ZNF875: variants seen among roughly 807,000 people sequenced by gnomAD.
The protein encoded by ZNF875 is HKR1, GLI-Kruppel zinc finger family member.
In ZNF875, 14 loss-of-function variants were observed where a neutral mutation model predicts 11.2. The ratio of observed to expected loss-of-function variants is 1.26; its 90% CI spans 0.83 to 1.96. ZNF875 has a LOEUF of 1.96. Ranked by LOEUF, ZNF875 falls within the 30% of genes most tolerant of loss-of-function variation. The pLI, the probability that ZNF875 is intolerant of heterozygous loss-of-function variation, is 0.00. For missense variants in ZNF875, 752 were observed against 760.4 expected (o/e 0.99, Z 0.13); for synonymous variants, 301 against 281.1 (o/e 1.07, Z -0.71).
upstream of ZNF875, chr19:37,317,901 G>A (rs11083420): frequency 0.28 from 43,230 of 153,518 alleles, 7,267 homozygotes; most frequent in East Asian, 0.38. Context: ...CCGGAAGCCC[G>A]GCACAGGCTG....
rs372294068 is a variant in ZNF875, at chr19:37,362,293, C to G, written c.441C>G (p.Cys147Trp). 3.9e-5 allele frequency: 63 copies of G among 1,614,120 alleles called. No homozygotes were observed. The African/African-American group carries it at 7.5e-4, about 19-fold the overall frequency. The change falls in exon 5 of 5, where the codon TGC (cysteine) becomes TGG (tryptophan). Residue 147 changes from cysteine to tryptophan, a missense_variant. Coordinates refer to ENST00000392153, the MANE Select transcript of ZNF875 (RefSeq NM_001353803.2). ...AGAAACAACAGCAGGATCCATTCTG[C>G]TTTAGTGGCAAAGCAGAATGGATTC... ...EDQKQQQDPF[C>W]FSGKAEWIQE...
chr19:37,343,726 G>A (rs560572190), intron 2 of ZNF875, among the ~76,000 whole-genome samples: 4 of 152,208 alleles, frequency 2.6e-5, no homozygotes, highest in African/African-American at 9.6e-5. Flanking sequence ...TGTCCCACTG[G>A]ATAAAGCAGG....
intron 4 of ZNF875, among the ~76,000 whole-genome samples, chr19:37,357,531 G>T (rs148536400): frequency 6.6e-6 from 1 of 152,016 alleles, no homozygotes; most frequent in Non-Finnish European, 1.5e-5. Flanking sequence ...AGTTCTCCTC[G>T]CAGAGACCTT....
intron 4 of ZNF875, chr19:37,361,843 G>A: frequency 2.7e-6 from 1 of 369,970 alleles, no homozygotes; most frequent in South Asian, 3.8e-5. Flanking sequence ...CTTGAACCCT[G>A]GAGGCGGAGG....
intron 2 of ZNF875, among the ~76,000 whole-genome samples, chr19:37,338,146 G>A (rs1471914548): frequency 6.6e-6 from 1 of 152,076 alleles, no homozygotes; most frequent in Non-Finnish European, 1.5e-5. Context: ...TCTTTGAGGC[G>A]GAGTCATGCT....
In ZNF875 at chr19:37,363,303, G is replaced by T; in HGVS notation, c.1451G>T (p.Gly484Val). The T allele has an allele frequency of 6.2e-7, 1 of 1,611,210 alleles. No homozygotes were observed. The highest frequency in any genetic ancestry group is 8.5e-7 in the Non-Finnish European group (1 of 1,177,994). The change falls in exon 5 of 5, where the codon GGG (glycine) becomes GTG (valine). Residue 484 changes from glycine to valine, a missense_variant. Transcript: ENST00000392153. ...AAGCCATTTGTATGTACGGAGTGTG[G>T]GCGAGGCTTTACCCGGAAATCAACC... is the stretch of plus-strand genomic sequence containing the variant. Reference protein sequence around the residue: ...GEKPFVCTECGRGFTRKSTLS... With the variant: ...GEKPFVCTECVRGFTRKSTLS...
intron 1 of ZNF875, among the ~76,000 whole-genome samples, chr19:37,320,099 T>C (rs1266083671): frequency 6.6e-6 from 1 of 152,066 alleles, no homozygotes; most frequent in Admixed American, 6.5e-5. Flanking sequence ...GTGGTCTCGA[T>C]CTCCTGACTT....
chr19:37,332,728 T>A (rs1044934237), upstream of ZNF875, among the ~76,000 whole-genome samples: 1 of 152,230 alleles, frequency 6.6e-6, no homozygotes, highest in Non-Finnish European at 1.5e-5. Context: ...TGCTTTTTTG[T>A]TTTTTGCTGA....
chr19:37,351,577 G>A (rs1014082880), intron 4 of ZNF875, among the ~76,000 whole-genome samples: 32 of 152,044 alleles, frequency 2.1e-4, no homozygotes, highest in African/African-American at 7.2e-4. Flanking sequence ...TTATTTCTAA[G>A]CCTTGCTTTA....
In ZNF875 at chr19:37,364,030, C is replaced by A; in HGVS notation, c.*255C>A. Reference sequence around the variant, plus strand: ...GGATGGTGGGTTGTGGAAACCCGGTCAGGTAATGATAGTGGCAGGAGGCAG... The same window carrying A: ...GGATGGTGGGTTGTGGAAACCCGGTAAGGTAATGATAGTGGCAGGAGGCAG... On this transcript the variant is annotated 3_prime_UTR_variant, in exon 5 of 5. Coordinates refer to ENST00000392153, the MANE Select transcript of ZNF875 (RefSeq NM_001353803.2). The A allele has an allele frequency of 2.1e-6, 1 of 477,578 alleles. No individual in the cohort carries two copies. Among genetic ancestry groups the A allele is most frequent in the Non-Finnish European group, 3.8e-6 (1 of 266,550 alleles). The allele number at this position is 477,578 out of a possible 1,614,324, so 29.6% of individuals were successfully genotyped here.
intron 4 of ZNF875, among the ~76,000 whole-genome samples, chr19:37,349,427 C>G (rs933254527): frequency 5.3e-5 from 8 of 152,100 alleles, no homozygotes. Flanking sequence ...TTTTGATCAT[C>G]TTTTGGGTAT....
At chr19:37,347,018 T>G in intron 2 of ZNF875, 172 bp from the exon 3 acceptor site, 1 of 676,200 alleles carries the variant, frequency 1.5e-6, no homozygotes, top group Non-Finnish European at 2.6e-6. Context: ...GGTTTCTCCA[T>G]ATTGGTCAGG....
chr19:37,335,728 G>A (rs2034233428), intron 2 of ZNF875, among the ~76,000 whole-genome samples: 1 of 152,148 alleles, frequency 6.6e-6, no homozygotes, highest in Non-Finnish European at 1.5e-5. Context: ...GGAGCCAGGC[G>A]CCAGGCAGTG....
chr19:37,336,564 GC>G (rs2034481344), intron 2 of ZNF875, among the ~76,000 whole-genome samples: 1 of 151,160 alleles, frequency 6.6e-6, no homozygotes, highest in African/African-American at 2.4e-5. Context: ...CTCCCAAAGT[GC>G]TGGGATTACA....
chr19:37,320,037 G>A (rs1225260171), intron 1 of ZNF875, among the ~76,000 whole-genome samples: 63 of 152,030 alleles, frequency 4.1e-4, no homozygotes, highest in Admixed American at 3.9e-3. Flanking sequence ...ACAGGCACCC[G>A]CCACCACGCC....
intron 1 of ZNF875, among the ~76,000 whole-genome samples, chr19:37,319,344 CATATATAT>C (rs146774743): frequency 5.6e-4 from 63 of 112,350 alleles, no homozygotes; most frequent in South Asian, 3.3e-4. Context: ...CTGCAGCCGG[CATATATAT>C]ATATATATAT....
At chr19:37,349,704 G>C (rs1285812494) in intron 4 of ZNF875, among the ~76,000 whole-genome samples, 1 of 152,020 alleles carries the variant, frequency 6.6e-6, no homozygotes, top group Non-Finnish European at 1.5e-5. Flanking sequence ...ACCCAGCCAG[G>C]AGTGCAGTGG....
chr19:37,347,669 T>C, intron 3 of ZNF875, 108 bp from the exon 4 acceptor site: 1 of 715,750 alleles, frequency 1.4e-6, no homozygotes, highest in South Asian at 1.6e-5. Flanking sequence ...GAACTATTCA[T>C]AGGTCTTTTT....
At chr19:37,332,296 G>T (rs569252024), upstream of ZNF875, among the ~76,000 whole-genome samples, 1 of 151,186 alleles carries the variant, frequency 6.6e-6, no homozygotes, top group African/African-American at 2.4e-5. Flanking sequence ...TTGTCTCTGT[G>T]TCTTTTTCTT....
Sources: allele counts gnomAD v4.1 joint callset (sites outside exome capture counted in the v4.1 genomes callset), GRCh38; gene constraint gnomAD v4.1.1; transcripts MANE v1.5; gene names NCBI Gene and HGNC (gene_info 2026-07-23, HGNC 2026-07-21).